The following LRMDA variants were observed in gnomAD, a reference collection of about 807,000 sequenced individuals.
The protein encoded by LRMDA is leucine-rich melanocyte differentiation-associated protein.
Under a neutral mutation model 29.8 loss-of-function variants are expected in LRMDA, and 18 were observed. The observed-to-expected ratio is 0.60, with a 90% CI of 0.42 to 0.90. The LOEUF is 0.90. Ranked by LOEUF, LRMDA falls within the 40% of genes least tolerant of loss-of-function variation. The pLI, the probability that LRMDA is intolerant of heterozygous loss-of-function variation, is 0.00. For missense variants in LRMDA, 273 were observed against 273.9 expected, an observed-to-expected ratio of 1.00 and a Z score of 0.02; for synonymous variants, 125 against 109.4, an observed-to-expected ratio of 1.14 and a Z score of -0.89.
intron 2 of LRMDA, among the ~76,000 whole-genome samples, chr10:75,915,105 CTCA>C (rs1020272579): frequency 7.4e-6 from 1 of 135,882 alleles, no homozygotes; most frequent in African/African-American, 2.7e-5. Flanking sequence ...CTTAGAAATT[CTCA>C]TGTCTAACCT....
chr10:75,800,230 A>T (rs1227815751), intron 2 of LRMDA, among the ~76,000 whole-genome samples: 2 of 152,192 alleles, frequency 1.3e-5, no homozygotes, highest in Non-Finnish European at 2.9e-5. Flanking sequence ...ACCATGTTTA[A>T]ACCTCTGATC....
intron 6 of LRMDA, among the ~76,000 whole-genome samples, chr10:76,390,239 G>A (rs1247913116): frequency 6.6e-6 from 1 of 152,040 alleles, no homozygotes; most frequent in Non-Finnish European, 1.5e-5. Flanking sequence ...GTTTTGATTT[G>A]CCTTTCCCCA....
chr10:76,056,955 G>A (rs1239187303), intron 4 of LRMDA, among the ~76,000 whole-genome samples: 1 of 152,156 alleles, frequency 6.6e-6, no homozygotes, highest in Non-Finnish European at 1.5e-5. Flanking sequence ...TGGTGTATTT[G>A]CAGCAATTGC....
At chr10:76,089,448 A>T (rs1564649813) in intron 5 of LRMDA, among the ~76,000 whole-genome samples, 1 of 152,352 alleles carries the variant, frequency 6.6e-6, no homozygotes, top group East Asian at 1.9e-4. Flanking sequence ...TAGAAAGTTT[A>T]CCAGTGTCCT....
At chr10:75,611,198 T>C (rs1170311675) in intron 2 of LRMDA, among the ~76,000 whole-genome samples, 1 of 152,108 alleles carries the variant, frequency 6.6e-6, no homozygotes, top group African/African-American at 2.4e-5. Flanking sequence ...GGACAGGTCC[T>C]GTGTAGCTGG....
In LRMDA at chr10:75,543,150, G is replaced by A. The variant is rs1307589672; in HGVS notation, c.131+104656G>A. Reference sequence around the variant, plus strand: ...CTGCCTCTCTGATCTCACCAGTGGTGCTGGCCATGCCAGAGCAACCCAGCT... The same window carrying A: ...CTGCCTCTCTGATCTCACCAGTGGTACTGGCCATGCCAGAGCAACCCAGCT... On this transcript the variant is annotated intron_variant, in intron 2 of 6. Transcript: ENST00000611255. Among the ~76,000 whole-genome samples the A allele has an allele frequency of 2.0e-5, 3 of 152,212 alleles. No individual in the cohort carries two copies. The East Asian group carries it at 5.8e-4, about 29-fold the overall frequency.
chr10:75,463,807 A>T (rs1248380238), intron 2 of LRMDA, among the ~76,000 whole-genome samples: 1 of 152,154 alleles, frequency 6.6e-6, no homozygotes, highest in Non-Finnish European at 1.5e-5. Flanking sequence ...AGCTAGGATT[A>T]CAGGCATGTG....
At chr10:76,435,184 AT>A (rs1201223549) in intron 6 of LRMDA, among the ~76,000 whole-genome samples, 4 of 152,180 alleles carry the variant, frequency 2.6e-5, no homozygotes, top group Admixed American at 6.5e-5. Context: ...GAGCTTAGAG[AT>A]TATCGGCCCA....
chr10:76,073,953 G>A (rs918764567), intron 5 of LRMDA, among the ~76,000 whole-genome samples: 3 of 152,204 alleles, frequency 2.0e-5, no homozygotes, highest in Admixed American at 2.0e-4. Flanking sequence ...TGATCAGTGT[G>A]AATGTGCCTT....
intron 6 of LRMDA, among the ~76,000 whole-genome samples, chr10:76,346,997 A>T (rs1203711114): frequency 6.6e-6 from 1 of 152,206 alleles, no homozygotes; most frequent in African/African-American, 2.4e-5. Flanking sequence ...AGCGTCAATT[A>T]TCAGAATACT....
intron 5 of LRMDA, among the ~76,000 whole-genome samples, chr10:76,296,681 C>T (rs986098760): frequency 6.6e-6 from 1 of 152,206 alleles, no homozygotes; most frequent in Non-Finnish European, 1.5e-5. Flanking sequence ...TGTTTTCTCT[C>T]ATGGATATAA....
rs577352474 is a variant in LRMDA at position 76,432,224 on chromosome 10, C to A, written c.601+107739C>A. On this transcript the variant is annotated intron_variant, in intron 6 of 6. Coordinates refer to ENST00000611255, the MANE Select transcript of LRMDA (RefSeq NM_001305581.2). ...CTTTCTGAAATGTCGTGGGTGTGGG[C>A]CTGGGGGTGCTGCTGGTGTGGTGCT... Among the ~76,000 whole-genome samples, 3 of 152,230 alleles carry A rather than the reference C, an allele frequency of 2.0e-5. No individual in the cohort carries two copies. The East Asian group carries it at 5.8e-4, about 29-fold the overall frequency.
At chr10:75,941,935 G>T (rs1470571197) in intron 2 of LRMDA, among the ~76,000 whole-genome samples, 3 of 152,118 alleles carry the variant, frequency 2.0e-5, no homozygotes, top group Admixed American at 2.0e-4. Flanking sequence ...ACATTTATGT[G>T]GTTGGGAGGT....
intron 2 of LRMDA, among the ~76,000 whole-genome samples, chr10:75,610,874 G>T (rs180859178): frequency 1.3e-5 from 2 of 152,204 alleles, no homozygotes; most frequent in East Asian, 3.9e-4. Context: ...AAATTTTACC[G>T]CAAATTCCAA....
chr10:75,711,855 C>G (rs1233505699), intron 2 of LRMDA, among the ~76,000 whole-genome samples: 2 of 151,868 alleles, frequency 1.3e-5, no homozygotes, highest in Non-Finnish European at 2.9e-5. Flanking sequence ...TGCAAATGAT[C>G]TTTTGAATAA....
intron 2 of LRMDA, among the ~76,000 whole-genome samples, chr10:75,813,192 GAGA>G (rs1280562052): frequency 6.6e-6 from 1 of 152,234 alleles, no homozygotes; most frequent in East Asian, 1.9e-4. Flanking sequence ...GTGATCCAGA[GAGA>G]AGGTCTGCCT....
At chr10:76,403,253 C>T (rs1841868017) in intron 6 of LRMDA, 1 of 151,874 alleles carries the variant, frequency 6.6e-6, no homozygotes, top group Non-Finnish European at 1.5e-5. Context: ...TGTGGATAGA[C>T]CCTGTACCAA....
chr10:76,279,984 T>G (rs1453342912), intron 5 of LRMDA, among the ~76,000 whole-genome samples: 1 of 152,164 alleles, frequency 6.6e-6, no homozygotes, highest in Non-Finnish European at 1.5e-5. Flanking sequence ...AATGCCTATT[T>G]GTGAGTGAGT....
chr10:76,163,379 C>A (rs1373388968), intron 5 of LRMDA, among the ~76,000 whole-genome samples: 6 of 152,016 alleles, frequency 3.9e-5, no homozygotes, highest in African/African-American at 4.8e-5. Context: ...TTTATTAATC[C>A]TGCTTAACAT....
Sources: gnomAD v4.1 joint callset for allele counts (sites outside exome capture counted in the v4.1 genomes callset) on GRCh38, gnomAD v4.1.1 for gene constraint, MANE v1.5 for transcripts, NCBI Gene and HGNC (gene_info 2026-07-23, HGNC 2026-07-21) for gene names.